BTBD7: variants seen among roughly 807,000 people sequenced by gnomAD.
The protein encoded by BTBD7 is BTB domain containing 7.
A neutral mutation model predicts 99.9 loss-of-function variants in BTBD7; 38 were observed. The ratio of observed to expected loss-of-function variants is 0.38; its 90% CI spans 0.29 to 0.50. The LOEUF is 0.50. BTBD7 is among the 20% of genes least tolerant of loss of function. The pLI is 0.93. For synonymous variants in BTBD7, 520 were observed against 511.4 expected, an observed-to-expected ratio of 1.02 and a Z score of -0.23; for missense variants, 1,170 against 1,394.6, an observed-to-expected ratio of 0.84 and a Z score of 2.57.
chr14:93,306,328 C>T (rs1195352431), intron 1 of BTBD7, among the ~76,000 whole-genome samples: 1 of 151,706 alleles, frequency 6.6e-6, no homozygotes, highest in Non-Finnish European at 1.5e-5. Flanking sequence ...ATTAAAGAGG[C>T]CAGGCACGGT....
At chr14:93,318,945 G>A (rs1028111592) in intron 1 of BTBD7, among the ~76,000 whole-genome samples, 2 of 152,174 alleles carry the variant, frequency 1.3e-5, no homozygotes, top group South Asian at 2.1e-4. Context: ...AGCTAGATGC[G>A]GGGGCTCACG....
At chr14:93,273,278 A>G (rs2052619513) in intron 3 of BTBD7, among the ~76,000 whole-genome samples, 1 of 152,216 alleles carries the variant, frequency 6.6e-6, no homozygotes, top group African/African-American at 2.4e-5. Flanking sequence ...ATTAGTGACT[A>G]TAAGGCCTAG....
At chr14:93,273,353 A>G (rs1364058857) in intron 3 of BTBD7, among the ~76,000 whole-genome samples, 1 of 152,212 alleles carries the variant, frequency 6.6e-6, no homozygotes, top group Non-Finnish European at 1.5e-5. Context: ...AGGTTAGCCA[A>G]CCCTTAAATC....
At chr14:93,319,051 A>C (rs1050684814) in intron 1 of BTBD7, among the ~76,000 whole-genome samples, 4 of 152,218 alleles carry the variant, frequency 2.6e-5, no homozygotes, top group Non-Finnish European at 5.9e-5. Context: ...ACAAAAAAAC[A>C]GAAAAATTCG....
intron 1 of BTBD7, among the ~76,000 whole-genome samples, chr14:93,300,553 C>T (rs1207173479): frequency 4.0e-5 from 6 of 151,450 alleles, no homozygotes; most frequent in South Asian, 2.1e-4. Context: ...ACTGGGTGCC[C>T]GGCCCTTTTT....
At chr14:93,304,796 C>CTTA (rs1233105661) in intron 1 of BTBD7, among the ~76,000 whole-genome samples, 1 of 152,220 alleles carries the variant, frequency 6.6e-6, no homozygotes, top group East Asian at 1.9e-4. Flanking sequence ...CTGACACCAA[C>CTTA]TTAGCAAATG....
chr14:93,332,779 G>A (rs1229882931), intron 1 of BTBD7, 41 bp downstream of exon 1: 4 of 1,461,876 alleles, frequency 2.7e-6, no homozygotes, highest in Non-Finnish European at 3.6e-6. Context: ...ACCGGACACA[G>A]CCTCGGCTCC....
chr14:93,272,729 A>G (rs528202153), intron 3 of BTBD7, among the ~76,000 whole-genome samples: 2 of 152,362 alleles, frequency 1.3e-5, no homozygotes, highest in Non-Finnish European at 2.9e-5. Flanking sequence ...ACTGAGTGTC[A>G]GATATAAGGG....
chr14:93,241,684 T>TA lies in BTBD7; in HGVS notation c.*588dup, dbSNP rs960603660. Reference sequence around the variant, plus strand: ...ATGAAGCCCAGCTCCTAGGACTTATTAAAAAAAAAATGACATTAGATTTAT... The same window carrying TA: ...ATGAAGCCCAGCTCCTAGGACTTATTAAAAAAAAAAATGACATTAGATTTAT... On this transcript the variant is annotated 3_prime_UTR_variant, in exon 11 of 11. Coordinates refer to ENST00000334746, the MANE Select transcript of BTBD7 (RefSeq NM_001002860.4). The TA allele has an allele frequency of 3.9e-4, 59 of 150,310 alleles. No homozygotes were observed. The highest frequency in any genetic ancestry group is 1.3e-3 in the Admixed American group (20 of 15,012). 9.3% of individuals were successfully genotyped at this position (150,310 alleles called of 1,614,324 possible). A position where few individuals can be genotyped will look rare whatever the true frequency, so the allele number is the denominator to read the frequency against.
rs752512017 is a variant in BTBD7, at chr14:93,294,846, CT to C, written c.173del (p.Lys58ArgfsTer44). On this transcript the variant is annotated frameshift_variant, in exon 3 of 11. Coordinates refer to ENST00000334746, the MANE Select transcript of BTBD7 (RefSeq NM_001002860.4). LOFTEE classifies it high-confidence loss of function. ...TGAGGGTGGCAAGACCAGAGGTTCT[CT>C]TTTTTTTGTCTTGTGGTTTCTCATG... is the stretch of plus-strand genomic sequence containing the variant. ...HGHEKPQDKK[K>X]RTSGLATLKK... The C allele has an allele frequency of 6.2e-7, 1 of 1,613,512 alleles. No homozygotes were observed.
At chr14:93,286,600 C>A (rs2052780514) in intron 3 of BTBD7, among the ~76,000 whole-genome samples, 1 of 152,164 alleles carries the variant, frequency 6.6e-6, no homozygotes, top group Non-Finnish European at 1.5e-5. Context: ...TAGGCCACAG[C>A]CTCCCACCCT....
At chr14:93,262,969 C>T (rs2052506338) in intron 4 of BTBD7, among the ~76,000 whole-genome samples, 1 of 152,114 alleles carries the variant, frequency 6.6e-6, no homozygotes, top group Middle Eastern at 3.2e-3. Context: ...GCAATCAAAG[C>T]AACATACAAA....
chr14:93,293,454 T>G (rs2052882628), intron 3 of BTBD7, among the ~76,000 whole-genome samples: 2 of 152,232 alleles, frequency 1.3e-5, no homozygotes, highest in African/African-American at 4.8e-5. Flanking sequence ...ATTTTTGTAA[T>G]GAATTTTTAT....
intron 1 of BTBD7, 23 bp downstream of exon 1, chr14:93,332,797 C>A: frequency 6.8e-7 from 1 of 1,474,148 alleles, no homozygotes. Context: ...TCCACAGCCT[C>A]AGAGACACCA....
At position 93,300,772 on chromosome 14, in the gene BTBD7, G is replaced by GTATA. The variant is rs1192199666; in HGVS notation, c.-106-4619_-106-4616dup. 1.1e-3 allele frequency among the ~76,000 whole-genome samples: 73 copies of GTATA among 67,858 alleles called. 3 individuals carry two copies. The highest frequency in any genetic ancestry group is 3.7e-3 in the South Asian group (6 of 1,618). The allele number at this position is 67,858 out of a possible 152,430, so 44.5% of individuals were successfully genotyped here. On this transcript the variant is annotated intron_variant, in intron 1 of 10. Coordinates refer to ENST00000334746, the MANE Select transcript of BTBD7 (RefSeq NM_001002860.4). ...TGTGTGTGTGTGTGTGTGTGTGTGT[G>GTATA]TATATATATATATATTTTTTTTTTG... is the stretch of plus-strand genomic sequence containing the variant.
intron 1 of BTBD7, among the ~76,000 whole-genome samples, chr14:93,310,770 C>CTTTTT (rs56756515): frequency 1.2e-4 from 14 of 116,652 alleles, no homozygotes; most frequent in African/African-American, 1.4e-4. Flanking sequence ...AACCAAAAAA[C>CTTTTT]TTTTTTTTTT....
At chr14:93,300,737 TGTGTGTGTGTGTGTG>T (rs2052988204) in intron 1 of BTBD7, among the ~76,000 whole-genome samples, 2 of 85,656 alleles carry the variant, frequency 2.3e-5, no homozygotes, top group East Asian at 6.3e-4. Flanking sequence ...TGTGTGTGTG[TGTGTGTGTGTGTGTG>T]TGTGTGTGTG....
At chr14:93,259,489 G>A (rs1053267112) in intron 5 of BTBD7, among the ~76,000 whole-genome samples, 15 of 152,198 alleles carry the variant, frequency 9.9e-5, no homozygotes, top group African/African-American at 3.6e-4. Context: ...AGCTGGGAAT[G>A]TGCTTGTTGG....
chr14:93,239,014 T>C lies in BTBD7; in HGVS notation c.*3259A>G, dbSNP rs2052191352. On this transcript the variant is annotated 3_prime_UTR_variant, in exon 11 of 11. Transcript: ENST00000334746. ...CTCAAAGCCTAACGGGTTATTGCGG[T>C]GTCAGGCTAGCTGAGGTCTAGTGAC... The C allele has an allele frequency of 1.3e-5, 2 of 152,228 alleles. No homozygotes were observed. The highest frequency in any genetic ancestry group is 4.1e-4 in the South Asian group (2 of 4,838). 9.4% of individuals were successfully genotyped at this position (152,228 alleles called of 1,614,324 possible).
Sources: gnomAD v4.1 joint callset for allele counts (sites outside exome capture counted in the v4.1 genomes callset) on GRCh38, gnomAD v4.1.1 for gene constraint, MANE v1.5 for transcripts, NCBI Gene and HGNC (gene_info 2026-07-23, HGNC 2026-07-21) for gene names.